The following PCNX2 variants were observed in gnomAD, a reference collection of about 807,000 sequenced individuals.
The protein encoded by PCNX2 is pecanex-like protein 2.
In PCNX2, 168 loss-of-function variants were observed where a neutral mutation model predicts 223.8. The observed-to-expected ratio is 0.75, with a 90% CI of 0.66 to 0.85. PCNX2 has a LOEUF of 0.85. Ranked by LOEUF, PCNX2 falls within the 40% of genes least tolerant of loss-of-function variation. PCNX2 has a pLI of 0.00. For missense variants in PCNX2, 2,507 were observed against 2,675.5 expected (o/e 0.94, Z 1.39); for synonymous variants, 1,006 against 1,052.6 (o/e 0.96, Z 0.86).
rs1340985621 is a variant in PCNX2, at chr1:233,031,894, A to G, written c.4352-6495T>C. The G allele has an allele frequency of 9.1e-6, 9 of 984,848 alleles. No individual in the cohort carries two copies. The East Asian group carries it at 3.4e-4, about 37-fold the overall frequency. 61.0% of individuals were successfully genotyped at this position (984,848 alleles called of 1,614,324 possible). ...TATAGAAATGCATACTGGACTATAA[A>G]CAGTGAGGCATCCAGAGAGTAATGA... is the stretch of plus-strand genomic sequence containing the variant. On this transcript the variant is annotated intron_variant, in intron 25 of 33. Transcript: ENST00000258229.
chr1:233,016,174 A>G (rs1161902961), intron 27 of PCNX2, among the ~76,000 whole-genome samples: 2 of 152,172 alleles, frequency 1.3e-5, no homozygotes, highest in African/African-American at 4.8e-5. Flanking sequence ...TTAATCACCC[A>G]TAAGAAACTC....
At chr1:233,280,593 TG>T (rs1412312827) in intron 1 of PCNX2, among the ~76,000 whole-genome samples, 2 of 152,322 alleles carry the variant, frequency 1.3e-5, no homozygotes, top group Admixed American at 1.3e-4. Flanking sequence ...CCACCGTGCC[TG>T]GTCCTCTTCT....
chr1:233,003,574 C>T (rs1172929037), intron 28 of PCNX2, among the ~76,000 whole-genome samples: 3 of 152,204 alleles, frequency 2.0e-5, no homozygotes, highest in Non-Finnish European at 4.4e-5. Flanking sequence ...TTAGTTCAAC[C>T]ATTGTGGAAG....
In PCNX2 at chr1:233,259,357, A is replaced by G. The variant is rs1277066450; in HGVS notation, c.518-13T>C. On this transcript the variant is annotated splice_polypyrimidine_tract_variant and intron_variant, in intron 4 of 33. Transcript: ENST00000258229. ...AATAGAATGACACCTGAAATGACAC[A>G]TGGCAACTTTATTAGCATCAGAAAT... The G allele has an allele frequency of 6.3e-7, 1 of 1,591,612 alleles. No individual in the cohort carries two copies. The highest frequency in any genetic ancestry group is 1.1e-5 in the South Asian group (1 of 88,444).
At chr1:233,244,325 A>T (rs879838548) in intron 8 of PCNX2, among the ~76,000 whole-genome samples, 5 of 152,196 alleles carry the variant, frequency 3.3e-5, no homozygotes, top group Admixed American at 2.0e-4. Context: ...TAAACCTCTG[A>T]TTTCAAGGAA....
chr1:233,160,183 T>C (rs1263663346), intron 19 of PCNX2, 100 bp downstream of exon 19: 1 of 1,307,524 alleles, frequency 7.6e-7, no homozygotes, highest in Non-Finnish European at 1.1e-6. Flanking sequence ...TGTACAGTTC[T>C]GTGGCATTAA....
chr1:233,288,826 T>A (rs1166737052), intron 1 of PCNX2: 8 of 624,842 alleles, frequency 1.3e-5, no homozygotes, highest in Non-Finnish European at 2.0e-5. Context: ...TTTTTTTTTT[T>A]ACTGTGAATA....
chr1:233,233,357 G>GCCCTT (rs1414121807), intron 9 of PCNX2, among the ~76,000 whole-genome samples: 5 of 151,722 alleles, frequency 3.3e-5, no homozygotes, highest in Admixed American at 2.0e-4. Flanking sequence ...CCCAAGCTCT[G>GCCCTT]CCCTTCCCTT....
upstream of PCNX2, among the ~76,000 whole-genome samples, chr1:233,300,371 T>A (rs1294342): frequency 0.66 from 100,024 of 152,066 alleles, 33,239 homozygotes; most frequent in East Asian, 0.73. Flanking sequence ...CAATTGAGAA[T>A]AATTGGGATG....
intron 15 of PCNX2, among the ~76,000 whole-genome samples, chr1:233,191,753 TG>T (rs1680430945): frequency 6.6e-6 from 1 of 152,210 alleles, no homozygotes; most frequent in Admixed American, 6.5e-5. Flanking sequence ...GCAGAAGGGC[TG>T]GAAGTGAGTA....
At chr1:233,169,195 G>A (rs1678982592) in intron 17 of PCNX2, among the ~76,000 whole-genome samples, 1 of 151,816 alleles carries the variant, frequency 6.6e-6, no homozygotes, top group African/African-American at 2.4e-5. Flanking sequence ...ACATACAGAA[G>A]TTTAAAATTT....
chr1:233,100,834 T>G (rs1040852), intron 21 of PCNX2, among the ~76,000 whole-genome samples: 26,094 of 152,152 alleles, frequency 0.17, 2,314 homozygotes, highest in East Asian at 0.25. Context: ...TTCGCCTATT[T>G]CTCCATCCTT....
chr1:233,053,362 T>C (rs961542528), intron 25 of PCNX2, among the ~76,000 whole-genome samples: 1 of 152,078 alleles, frequency 6.6e-6, no homozygotes, highest in African/African-American at 2.4e-5. Flanking sequence ...CTCCAGGCCC[T>C]CCTCGACCAT....
intron 19 of PCNX2, among the ~76,000 whole-genome samples, chr1:233,158,698 T>A (rs74145085): frequency 3.9e-5 from 6 of 152,322 alleles, no homozygotes; most frequent in African/African-American, 1.4e-4. Context: ...AATATAGATA[T>A]AGATATGCAG....
At chr1:233,224,751 A>G (rs1572107115) in intron 10 of PCNX2, among the ~76,000 whole-genome samples, 1 of 152,252 alleles carries the variant, frequency 6.6e-6, no homozygotes, top group East Asian at 1.9e-4. Context: ...AAATTATAAA[A>G]CCAGATCACC....
At chr1:232,987,079 G>A (rs961441443) in intron 32 of PCNX2, among the ~76,000 whole-genome samples, 8 of 152,294 alleles carry the variant, frequency 5.3e-5, no homozygotes, top group African/African-American at 1.4e-4. Context: ...CCATGCCCTC[G>A]CCTCTTTTCC....
rs1671091210 is a variant in PCNX2, at chr1:233,026,680, G to T, written c.4352-1281C>A. Among the ~76,000 whole-genome samples the T allele has an allele frequency of 2.0e-5, 3 of 152,194 alleles. No homozygotes were observed. The South Asian group carries it at 6.2e-4, about 31-fold the overall frequency. On this transcript the variant is annotated intron_variant, in intron 25 of 33. Transcript: ENST00000258229. ...TTGATGAATTTCAACATGGGGTATTGAAAAGATGAGAAAAGAATGATGCTA... is the reference window on the plus strand; with the variant it reads ...TTGATGAATTTCAACATGGGGTATTTAAAAGATGAGAAAAGAATGATGCTA...
At chr1:233,257,092 G>A (rs750921826) in intron 5 of PCNX2, among the ~76,000 whole-genome samples, 4 of 152,146 alleles carry the variant, frequency 2.6e-5, no homozygotes, top group Non-Finnish European at 4.4e-5. Flanking sequence ...CTCTAGTCCA[G>A]TAACATCATT....
At chr1:233,199,841 CTCACACACAT>C (rs927509173) in intron 14 of PCNX2, among the ~76,000 whole-genome samples, 1 of 152,038 alleles carries the variant, frequency 6.6e-6, no homozygotes, top group Non-Finnish European at 1.5e-5. Context: ...CTCACACATG[CTCACACACAT>C]TCACACACGG....
Sources: allele counts gnomAD v4.1 joint callset (sites outside exome capture counted in the v4.1 genomes callset), GRCh38; gene constraint gnomAD v4.1.1; transcripts MANE v1.5; gene names NCBI Gene and HGNC (gene_info 2026-07-23, HGNC 2026-07-21).